The following TMEM108 variants were observed in gnomAD, a reference collection of about 807,000 sequenced individuals.
The protein encoded by TMEM108 is cancer/testis antigen 124.
TMEM108 carries 12 observed loss-of-function variants against 35.1 expected under a neutral mutation model. The ratio of observed to expected loss-of-function variants is 0.34; its 90% CI spans 0.22 to 0.55. The LOEUF is 0.55. Ranked by LOEUF, TMEM108 falls within the 20% of genes least tolerant of loss-of-function variation. TMEM108 has a pLI of 0.89. For missense variants in TMEM108, 680 were observed against 753.3 expected (o/e 0.90, Z 1.14); for synonymous variants, 287 against 308.6 (o/e 0.93, Z 0.73).
At chr3:133,152,421 G>A (rs1048240593) in intron 2 of TMEM108, among the ~76,000 whole-genome samples, 1 of 152,162 alleles carries the variant, frequency 6.6e-6, no homozygotes, top group African/African-American at 2.4e-5. Flanking sequence ...CAGAAGAGAA[G>A]CTAGATGGCA....
intron 3 of TMEM108, chr3:133,247,351 A>C (rs1946401565): frequency 2.0e-5 from 3 of 152,090 alleles, no homozygotes; most frequent in African/African-American, 7.2e-5. Flanking sequence ...TCCAGTGTTT[A>C]TTTCAGATGT....
intron 3 of TMEM108, among the ~76,000 whole-genome samples, chr3:133,282,998 G>A (rs549842045): frequency 6.6e-6 from 1 of 152,302 alleles, no homozygotes; most frequent in Non-Finnish European, 1.5e-5. Context: ...ACGTATGTGT[G>A]TAAACAAGAA....
chr3:133,310,790 G>A (rs946477548), intron 3 of TMEM108, among the ~76,000 whole-genome samples: 9 of 151,974 alleles, frequency 5.9e-5, no homozygotes, highest in Non-Finnish European at 8.8e-5. Flanking sequence ...TATTTTGCCC[G>A]TTAATTGATA....
chr3:133,286,909 AT>A (rs1946993551), intron 3 of TMEM108, among the ~76,000 whole-genome samples: 1 of 152,148 alleles, frequency 6.6e-6, no homozygotes, highest in Non-Finnish European at 1.5e-5. Context: ...GATTGGTTTG[AT>A]TTTTTTAGGT....
intron 2 of TMEM108, among the ~76,000 whole-genome samples, chr3:133,103,781 T>C (rs2107717478): frequency 6.6e-6 from 1 of 152,244 alleles, no homozygotes; most frequent in South Asian, 2.1e-4. Flanking sequence ...AGCCCCATGG[T>C]TATGAGCATG....
intron 3 of TMEM108, among the ~76,000 whole-genome samples, chr3:133,373,006 T>C (rs1430094958): frequency 2.6e-5 from 4 of 152,208 alleles, no homozygotes; most frequent in Non-Finnish European, 5.9e-5. Flanking sequence ...ATATTTGATC[T>C]TTAATAAAAG....
chr3:133,272,272 C>CAT (rs373072243), intron 3 of TMEM108, among the ~76,000 whole-genome samples: 11 of 137,726 alleles, frequency 8.0e-5, no homozygotes, highest in African/African-American at 2.7e-4. Flanking sequence ...CATACACGTA[C>CAT]GTGTGTGTGT....
At chr3:133,246,950 T>C (rs577054076) in intron 3 of TMEM108, 6 of 152,330 alleles carry the variant, frequency 3.9e-5, no homozygotes, top group African/African-American at 1.4e-4. Flanking sequence ...CAGGCTTCTG[T>C]CATGGCTCTA....
chr3:133,175,761 C>T (rs1423973889), intron 2 of TMEM108, among the ~76,000 whole-genome samples: 1 of 152,234 alleles, frequency 6.6e-6, no homozygotes, highest in Non-Finnish European at 1.5e-5. Flanking sequence ...GAAACTGCAT[C>T]AACTAACGAG....
intron 2 of TMEM108, among the ~76,000 whole-genome samples, chr3:133,058,266 A>C (rs1251931609): frequency 6.6e-6 from 1 of 152,184 alleles, no homozygotes; most frequent in East Asian, 1.9e-4. Context: ...TCAGCTAATC[A>C]GAACTTTTCT....
chr3:133,158,977 C>T (rs1209743109), intron 2 of TMEM108, among the ~76,000 whole-genome samples: 1 of 152,176 alleles, frequency 6.6e-6, no homozygotes, highest in Admixed American at 6.5e-5. Flanking sequence ...CCACTCTTTC[C>T]CATTCAGGGA....
rs145378826 is a variant in TMEM108 at position 133,358,317 on chromosome 3, G to A, written c.41-21435G>A. Among the ~76,000 whole-genome samples the A allele has an allele frequency of 2.2e-3, 334 of 152,126 alleles. 1 individual carries two copies. The highest frequency in any genetic ancestry group is 7.7e-3 in the African/African-American group (321 of 41,504). On this transcript the variant is annotated intron_variant, in intron 3 of 5. Coordinates refer to ENST00000321871, the MANE Select transcript of TMEM108 (RefSeq NM_023943.4). ...CTCCCAAGTAGCTGGGATTACAAGC[G>A]CGAACCACTACGCCTGGCTAATTTT...
chr3:133,131,108 T>C (rs1944485021), intron 2 of TMEM108, among the ~76,000 whole-genome samples: 1 of 152,206 alleles, frequency 6.6e-6, no homozygotes, highest in Non-Finnish European at 1.5e-5. Flanking sequence ...AACAGCTGAA[T>C]ATTTATGTAA....
intron 3 of TMEM108, among the ~76,000 whole-genome samples, chr3:133,241,409 A>G (rs1478056655): frequency 1.1e-4 from 16 of 152,144 alleles, no homozygotes; most frequent in Admixed American, 9.8e-4. Context: ...GAAGTTTTCT[A>G]GCCTTTCTGC....
intron 2 of TMEM108, among the ~76,000 whole-genome samples, chr3:133,220,353 T>C (rs1480800954): frequency 6.6e-6 from 1 of 152,042 alleles, no homozygotes; most frequent in Non-Finnish European, 1.5e-5. Flanking sequence ...CATAGCTTAT[T>C]GTAGTCTCAA....
intron 2 of TMEM108, among the ~76,000 whole-genome samples, chr3:133,109,786 A>T (rs969350470): frequency 3.9e-5 from 6 of 152,200 alleles, no homozygotes; most frequent in Non-Finnish European, 7.3e-5. Context: ...TGTGTTTTAT[A>T]TTGTTTAATA....
intron 2 of TMEM108, chr3:133,125,017 C>G (rs1944398204): frequency 6.6e-6 from 1 of 152,140 alleles, no homozygotes; most frequent in South Asian, 2.1e-4. Context: ...TTATGCTACT[C>G]TGAAGATCTG....
intron 4 of TMEM108, 141 bp downstream of exon 4, chr3:133,381,302 C>A: frequency 1.1e-6 from 1 of 886,454 alleles, no homozygotes; most frequent in Non-Finnish European, 1.7e-6. Context: ...GGTATCAGGA[C>A]AGGTTATCCC....
chr3:133,328,919 GCT>G (rs1480427053), intron 3 of TMEM108, among the ~76,000 whole-genome samples: 2 of 152,216 alleles, frequency 1.3e-5, no homozygotes, highest in East Asian at 3.9e-4. Flanking sequence ...ATTATTCACT[GCT>G]CTCTTTTCAG....
Sources: gnomAD v4.1 joint callset for allele counts (sites outside exome capture counted in the v4.1 genomes callset) on GRCh38, gnomAD v4.1.1 for gene constraint, MANE v1.5 for transcripts, NCBI Gene and HGNC (gene_info 2026-07-23, HGNC 2026-07-21) for gene names.